RBMS3: variants seen among roughly 807,000 people sequenced by gnomAD.
RBMS3 encodes the protein RNA-binding motif, single-stranded-interacting protein 3.
RBMS3 carries 27 observed loss-of-function variants against 66.8 expected under a neutral mutation model. That is an observed-to-expected ratio of 0.40 (90% CI 0.30 to 0.56). RBMS3 has a LOEUF of 0.56. Among genes scored for constraint, RBMS3 ranks in the 20% least tolerant of loss-of-function variants. RBMS3 has a pLI of 0.40. For missense variants in RBMS3, 513 were observed against 549.5 expected (o/e 0.93, Z 0.66); for synonymous variants, 188 against 183.0 (o/e 1.03, Z -0.22).
At chr3:29,974,815 T>TATTTTAC in intron 12 of RBMS3, among the ~76,000 whole-genome samples, 1 of 119,262 alleles carries the variant, frequency 8.4e-6, no homozygotes, top group African/African-American at 3.4e-5. Flanking sequence ...ATATATTTTA[T>TATTTTAC]ATATAAAATA....
At chr3:29,821,110 T>G (rs2058066538) in intron 6 of RBMS3, among the ~76,000 whole-genome samples, 1 of 152,190 alleles carries the variant, frequency 6.6e-6, no homozygotes, top group Non-Finnish European at 1.5e-5. Flanking sequence ...TCTGCCCAAA[T>G]GGAATTCATT....
chr3:29,770,445 C>G (rs369442581), intron 6 of RBMS3, among the ~76,000 whole-genome samples: 1 of 151,708 alleles, frequency 6.6e-6, no homozygotes, highest in African/African-American at 2.4e-5. Flanking sequence ...ATATGAAGCA[C>G]CAATAAGTAG....
intron 12 of RBMS3, among the ~76,000 whole-genome samples, chr3:29,960,508 C>A (rs151126975): frequency 1.3e-5 from 2 of 152,316 alleles, no homozygotes; most frequent in African/African-American, 4.8e-5. Flanking sequence ...CTTTTCACAG[C>A]TCCAGTAGGC....
intron 4 of RBMS3, among the ~76,000 whole-genome samples, chr3:29,609,509 C>T (rs2149130977): frequency 6.6e-6 from 1 of 152,082 alleles, no homozygotes; most frequent in African/African-American, 2.4e-5. Flanking sequence ...AGCTGTTTTC[C>T]AACAGGTATG....
intron 4 of RBMS3, among the ~76,000 whole-genome samples, chr3:29,705,095 A>T (rs2052813927): frequency 6.6e-6 from 1 of 152,218 alleles, no homozygotes; most frequent in Non-Finnish European, 1.5e-5. Flanking sequence ...TTCACCAAAT[A>T]AAACGATAGC....
At position 29,884,075 on chromosome 3, in the gene RBMS3, A is replaced by G. The variant is rs868746837; in HGVS notation, c.745-87A>G. On this transcript the variant is annotated intron_variant, in intron 7 of 14. Coordinates refer to ENST00000383767, the MANE Select transcript of RBMS3 (RefSeq NM_001003793.3). ...TAAACTTAGATCATGGAAAGTAATGATAAGAGTCTTTGTGTGTACTAAATG... is the reference window on the plus strand; with the variant it reads ...TAAACTTAGATCATGGAAAGTAATGGTAAGAGTCTTTGTGTGTACTAAATG... The G allele has an allele frequency of 2.9e-4, 330 of 1,132,046 alleles. 2 individuals carry two copies. In the Middle Eastern group the frequency reaches 3.4e-3, roughly 12 times the overall value. 70.1% of individuals were successfully genotyped at this position (1,132,046 alleles called of 1,614,324 possible).
rs75533430 is a variant in RBMS3 at position 29,418,857 on chromosome 3, A to G, written c.76-15886A>G. 5.8e-3 allele frequency among the ~76,000 whole-genome samples: 882 copies of G among 152,206 alleles called. 7 individuals are homozygous for G. Among genetic ancestry groups the G allele is most frequent in the African/African-American group, 0.02 (841 of 41,542 alleles). On this transcript the variant is annotated intron_variant, in intron 1 of 14. Coordinates refer to ENST00000383767, the MANE Select transcript of RBMS3 (RefSeq NM_001003793.3). ...CTTCTCTCATTTTATTTTTATCTGT[A>G]TTATTACTAAAGCAGTTTTCTCCCA...
At chr3:29,321,478 C>T (rs2035003953) in intron 1 of RBMS3, among the ~76,000 whole-genome samples, 1 of 152,046 alleles carries the variant, frequency 6.6e-6, no homozygotes, top group African/African-American at 2.4e-5. Flanking sequence ...CTATAATTTT[C>T]CTGAGTTGTT....
intron 14 of RBMS3, among the ~76,000 whole-genome samples, chr3:29,998,770 A>T (rs1182836144): frequency 1.4e-5 from 2 of 147,760 alleles, no homozygotes; most frequent in African/African-American, 2.7e-5. Flanking sequence ...TTAATTCAAG[A>T]TGGATGGATT....
At chr3:29,899,650 G>T (rs1463243199) in intron 9 of RBMS3, 55 bp from the exon 10 acceptor site, 1 of 1,540,418 alleles carries the variant, frequency 6.5e-7, no homozygotes, top group African/African-American at 1.4e-5. Flanking sequence ...CTGAACACAA[G>T]AACCAAGTTC....
intron 6 of RBMS3, among the ~76,000 whole-genome samples, chr3:29,810,229 A>C (rs2057691802): frequency 1.3e-5 from 2 of 152,136 alleles, no homozygotes; most frequent in South Asian, 4.1e-4. Flanking sequence ...GATGAGTAAT[A>C]TCTAATTAGA....
At chr3:29,295,859 C>A (rs972136307) in intron 1 of RBMS3, among the ~76,000 whole-genome samples, 3 of 151,592 alleles carry the variant, frequency 2.0e-5, no homozygotes, top group African/African-American at 7.3e-5. Context: ...AATCTTTCAT[C>A]TTCTAATTAA....
chr3:29,320,268 G>A (rs1239844474), intron 1 of RBMS3, among the ~76,000 whole-genome samples: 3 of 151,998 alleles, frequency 2.0e-5, no homozygotes, highest in Admixed American at 6.6e-5. Flanking sequence ...TACAAAATAG[G>A]AGAACTTTCT....
At chr3:29,581,133 A>G (rs924008327) in intron 3 of RBMS3, among the ~76,000 whole-genome samples, 1 of 152,172 alleles carries the variant, frequency 6.6e-6, no homozygotes, top group Non-Finnish European at 1.5e-5. Flanking sequence ...TCTAAGGTAG[A>G]CCATATGGCT....
chr3:29,467,187 T>G (rs1453791257), intron 2 of RBMS3, among the ~76,000 whole-genome samples: 1 of 152,210 alleles, frequency 6.6e-6, no homozygotes, highest in East Asian at 1.9e-4. Context: ...ATGAAATGTC[T>G]TTCTGTATTA....
chr3:29,736,005 A>T (rs2149343707), intron 4 of RBMS3, among the ~76,000 whole-genome samples: 1 of 152,310 alleles, frequency 6.6e-6, no homozygotes, highest in South Asian at 2.1e-4. Flanking sequence ...TTTTCCGGAA[A>T]ATTAAAAGGA....
intron 6 of RBMS3, among the ~76,000 whole-genome samples, chr3:29,778,860 C>G (rs1382715264): frequency 2.0e-5 from 3 of 151,840 alleles, no homozygotes; most frequent in African/African-American, 7.2e-5. Flanking sequence ...TAACATTGTA[C>G]TGCTATGTCA....
intron 1 of RBMS3, among the ~76,000 whole-genome samples, chr3:29,363,918 T>C (rs2037754042): frequency 6.6e-6 from 1 of 152,156 alleles, no homozygotes; most frequent in African/African-American, 2.4e-5. Flanking sequence ...TATTATTTAA[T>C]GTGGCAAAGA....
chr3:29,780,066 C>G (rs2056574030), intron 6 of RBMS3, among the ~76,000 whole-genome samples: 2 of 151,540 alleles, frequency 1.3e-5, no homozygotes, highest in African/African-American at 4.8e-5. Context: ...TACTGAAATT[C>G]AAAGATAAAG....
Sources: allele counts gnomAD v4.1 joint callset (sites outside exome capture counted in the v4.1 genomes callset), GRCh38; gene constraint gnomAD v4.1.1; transcripts MANE v1.5; gene names NCBI Gene and HGNC (gene_info 2026-07-23, HGNC 2026-07-21).